The following TOP6BL variants were observed in gnomAD, a reference collection of about 807,000 sequenced individuals.
The protein encoded by TOP6BL is type 2 DNA topoisomerase 6 subunit B-like.
the TOP6BL span, among the ~76,000 whole-genome samples, chr11:66,814,326 T>C: frequency 2.0e-5 from 3 of 152,118 alleles, no homozygotes; most frequent in Non-Finnish European, 4.4e-5. Flanking sequence ...TGGTATGATC[T>C]TGGCTGGCTG....
chr11:66,790,340 C>T, the TOP6BL span, among the ~76,000 whole-genome samples: 2 of 152,008 alleles, frequency 1.3e-5, no homozygotes, highest in East Asian at 1.9e-4. Context: ...GAAGTAAACA[C>T]GTAATTACAA....
chr11:66,793,043 A>G, the TOP6BL span, among the ~76,000 whole-genome samples: 5 of 152,116 alleles, frequency 3.3e-5, no homozygotes, highest in African/African-American at 1.2e-4. Context: ...ATAATCCTAG[A>G]CATATTTACA....
the TOP6BL span, chr11:66,758,302 C>CTTTTTTTTTTTTTTTTTTTTTTGTTTT: frequency 1.5e-5 from 1 of 67,318 alleles, no homozygotes; most frequent in African/African-American, 7.1e-5. Flanking sequence ...TTTTCTTTTT[C>CTTTTTTTTTTTTTTTTTTTTTTGTTTT]TTTTTTTTTT....
At chr11:66,796,934 C>T in the TOP6BL span, among the ~76,000 whole-genome samples, 3 of 151,044 alleles carry the variant, frequency 2.0e-5, no homozygotes, top group Non-Finnish European at 4.4e-5. Context: ...CTTTAACAAT[C>T]CTTCTGCTTT....
chr11:66,764,673 A>AT, the TOP6BL span, among the ~76,000 whole-genome samples: 1 of 150,720 alleles, frequency 6.6e-6, no homozygotes, highest in African/African-American at 2.5e-5. Context: ...TCCAAAAAAA[A>AT]AAAAAATAAA....
At chr11:66,838,223 G>T in the TOP6BL span, 13 of 647,652 alleles carry the variant, frequency 2.0e-5, no homozygotes, top group Non-Finnish European at 3.5e-5. Context: ...TGGGTAGGGG[G>T]ATTCATGAGC....
At chr11:66,794,444 G>A in the TOP6BL span, among the ~76,000 whole-genome samples, 1 of 152,112 alleles carries the variant, frequency 6.6e-6, no homozygotes, top group Non-Finnish European at 1.5e-5. Context: ...AGTTGACCTG[G>A]CTAACCTTGG....
chr11:66,765,659 G>A, the TOP6BL span, among the ~76,000 whole-genome samples: 1 of 152,180 alleles, frequency 6.6e-6, no homozygotes, highest in Non-Finnish European at 1.5e-5. Context: ...GGGATTACAA[G>A]CGCCTGCCAC....
At chr11:66,745,524 G>A in the TOP6BL span, among the ~76,000 whole-genome samples, 6 of 152,216 alleles carry the variant, frequency 3.9e-5, no homozygotes, top group Non-Finnish European at 7.3e-5. Flanking sequence ...CGCCCCGTGT[G>A]CTCATTTCAT....
At chr11:66,767,435 A>G in the TOP6BL span, among the ~76,000 whole-genome samples, 2 of 152,142 alleles carry the variant, frequency 1.3e-5, no homozygotes, top group African/African-American at 4.8e-5. Flanking sequence ...AAGTGGATGG[A>G]GGAATATGAA....
At chr11:66,762,711 CGCCTGCCTCG>C in the TOP6BL span, among the ~76,000 whole-genome samples, 1 of 152,292 alleles carries the variant, frequency 6.6e-6, no homozygotes, top group Non-Finnish European at 1.5e-5. Context: ...TCTCGTGATC[CGCCTGCCTCG>C]GCCTGCCAAA....
At chr11:66,786,491 A>G in the TOP6BL span, among the ~76,000 whole-genome samples, 1 of 152,144 alleles carries the variant, frequency 6.6e-6, no homozygotes, top group Non-Finnish European at 1.5e-5. Flanking sequence ...TAGTCAACCT[A>G]TCTGGATTTG....
the TOP6BL span, among the ~76,000 whole-genome samples, chr11:66,745,268 G>A: frequency 3.1e-5 from 4 of 130,092 alleles, no homozygotes; most frequent in East Asian, 1.1e-3. Context: ...AGGGGGCGCG[G>A]AAAGAAGGAA....
the TOP6BL span, among the ~76,000 whole-genome samples, chr11:66,751,707 C>G: frequency 6.6e-6 from 1 of 152,038 alleles, no homozygotes; most frequent in Non-Finnish European, 1.5e-5. Flanking sequence ...GATGATGGCT[C>G]TCTTTAATAT....
At chr11:66,800,037 G>A in the TOP6BL span, among the ~76,000 whole-genome samples, 1 of 150,672 alleles carries the variant, frequency 6.6e-6, no homozygotes, top group South Asian at 2.1e-4. Flanking sequence ...TGCACTCCAG[G>A]CTGGGCAACA....
chr11:66,808,003 A>T, the TOP6BL span, among the ~76,000 whole-genome samples: 2 of 152,216 alleles, frequency 1.3e-5, no homozygotes, highest in Non-Finnish European at 2.9e-5. Flanking sequence ...TTAGTTCTAG[A>T]TGTTTTATAG....
the TOP6BL span, chr11:66,758,060 C>A: frequency 1.2e-6 from 1 of 810,856 alleles, no homozygotes; most frequent in African/African-American, 1.9e-5. Flanking sequence ...AGATATATTT[C>A]TATTGGTTCC....
the TOP6BL span, among the ~76,000 whole-genome samples, chr11:66,800,419 G>A: frequency 6.6e-6 from 1 of 152,138 alleles, no homozygotes; most frequent in South Asian, 2.1e-4. Context: ...TAAGTTATGT[G>A]ATAGATGTTA....
chr11:66,769,505 G>A, the TOP6BL span, among the ~76,000 whole-genome samples: 1 of 149,840 alleles, frequency 6.7e-6, no homozygotes, highest in South Asian at 2.1e-4. Flanking sequence ...GAAAAAAAAG[G>A]TGAATAAATA....
Sources: allele counts gnomAD v4.1 joint callset (sites outside exome capture counted in the v4.1 genomes callset), GRCh38; gene constraint gnomAD v4.1.1; transcripts MANE v1.5; gene names NCBI Gene and HGNC (gene_info 2026-07-23, HGNC 2026-07-21).